Variants in FIRRM observed in about 807,000 individuals in gnomAD.
The protein encoded by FIRRM is FIGNL1 interacting regulator of recombination and mitosis.
At chr1:169,829,276 A>G in the FIRRM span, 1 of 1,580,474 alleles carries the variant, frequency 6.3e-7, no homozygotes, top group Non-Finnish European at 8.6e-7. Flanking sequence ...ATCTCTACTC[A>G]AAGCCGTTTT....
the FIRRM span, among the ~76,000 whole-genome samples, chr1:169,819,369 C>G: frequency 1.3e-5 from 2 of 152,266 alleles, no homozygotes; most frequent in East Asian, 3.9e-4. Flanking sequence ...TTGAGTATCC[C>G]CCTCGTGCCA....
the FIRRM span, chr1:169,826,973 A>G: frequency 1.2e-5 from 15 of 1,250,146 alleles, 1 homozygote; most frequent in South Asian, 2.5e-4. Context: ...CTACCAGAAC[A>G]TCAGTTTATA....
chr1:169,838,480 T>C, the FIRRM span, among the ~76,000 whole-genome samples: 34,982 of 152,044 alleles, frequency 0.23, 4,491 homozygotes, highest in Middle Eastern at 0.3. Flanking sequence ...TTAAATTTTT[T>C]CAACTTTTAT....
the FIRRM span, among the ~76,000 whole-genome samples, chr1:169,790,161 C>T: frequency 2.0e-5 from 3 of 151,882 alleles, no homozygotes; most frequent in African/African-American, 7.3e-5. Context: ...CTGTTTGATA[C>T]CCCCACATTT....
chr1:169,797,241 T>C, the FIRRM span, among the ~76,000 whole-genome samples: 1 of 152,202 alleles, frequency 6.6e-6, no homozygotes, highest in Non-Finnish European at 1.5e-5. Context: ...GTATTTTAGC[T>C]TCACTATTTT....
chr1:169,853,065 TAA>T, the FIRRM span: 7 of 1,414,006 alleles, frequency 5.0e-6, no homozygotes, highest in South Asian at 8.6e-5. Context: ...CTAACAGATA[TAA>T]AACAAATTTT....
the FIRRM span, chr1:169,842,443 A>C: frequency 3.1e-6 from 5 of 1,613,810 alleles, no homozygotes; most frequent in Admixed American, 3.3e-5. Flanking sequence ...CTTTGCTTGC[A>C]GTATGTAATT....
At chr1:169,831,073 G>A in the FIRRM span, among the ~76,000 whole-genome samples, 1 of 152,124 alleles carries the variant, frequency 6.6e-6, no homozygotes, top group Non-Finnish European at 1.5e-5. Flanking sequence ...TGATGGCCAA[G>A]AGGTTTCTCT....
the FIRRM span, chr1:169,799,024 G>C: frequency 1.7e-6 from 1 of 596,014 alleles, no homozygotes. Flanking sequence ...CACATACCTC[G>C]GTAGATGTGT....
At chr1:169,806,579 G>A in the FIRRM span, among the ~76,000 whole-genome samples, 4 of 152,202 alleles carry the variant, frequency 2.6e-5, no homozygotes, top group Admixed American at 2.6e-4. Flanking sequence ...CAGATTCTTA[G>A]GGGTGAGAGG....
At chr1:169,824,272 C>G in the FIRRM span, among the ~76,000 whole-genome samples, 2,862 of 152,270 alleles carry the variant, frequency 0.019, 76 homozygotes, top group South Asian at 0.074. Context: ...AACTGTGCCC[C>G]TAAGACTAGC....
chr1:169,799,737 A>G, the FIRRM span, among the ~76,000 whole-genome samples: 1 of 152,054 alleles, frequency 6.6e-6, no homozygotes, highest in Non-Finnish European at 1.5e-5. Context: ...TTTTTAGTAG[A>G]GATGGGGTTT....
the FIRRM span, chr1:169,827,085 TCTAAAGCACA>T: frequency 6.2e-7 from 1 of 1,613,642 alleles, no homozygotes; most frequent in Non-Finnish European, 8.5e-7. Flanking sequence ...TACCAGGATT[TCTAAAGCACA>T]CCAAGAGGAA....
the FIRRM span, among the ~76,000 whole-genome samples, chr1:169,844,692 T>C: frequency 2.0e-5 from 3 of 152,228 alleles, no homozygotes; most frequent in African/African-American, 4.8e-5. Flanking sequence ...AATTAACTCA[T>C]TGAATGCAAC....
the FIRRM span, chr1:169,852,860 C>T: frequency 2.5e-6 from 4 of 1,614,068 alleles, no homozygotes; most frequent in East Asian, 6.7e-5. Flanking sequence ...CATACAATAG[C>T]AGGGGCTTTG....
chr1:169,810,834 A>ATTTTTTTTTTT, the FIRRM span, among the ~76,000 whole-genome samples: 38 of 61,208 alleles, frequency 6.2e-4, 7 homozygotes, highest in East Asian at 6.5e-3. Context: ...TTAGCCCCCA[A>ATTTTTTTTTTT]TTTTTTTTTT....
the FIRRM span, among the ~76,000 whole-genome samples, chr1:169,799,798 C>T: frequency 6.6e-6 from 1 of 152,194 alleles, no homozygotes; most frequent in Admixed American, 6.5e-5. Context: ...AGTGATCCTC[C>T]TGCCTTGGCC....
At chr1:169,793,040 TTA>T in the FIRRM span, 1 of 1,614,160 alleles carries the variant, frequency 6.2e-7, no homozygotes, top group Non-Finnish European at 8.5e-7. Context: ...CACCATACTG[TTA>T]TAATCTTGAA....
At chr1:169,812,685 C>T in the FIRRM span, among the ~76,000 whole-genome samples, 5 of 152,008 alleles carry the variant, frequency 3.3e-5, no homozygotes, top group Middle Eastern at 3.4e-3. Flanking sequence ...GGTGAAACCC[C>T]GTCTCTACTA....
Sources: gnomAD v4.1 joint callset for allele counts (sites outside exome capture counted in the v4.1 genomes callset) on GRCh38, gnomAD v4.1.1 for gene constraint, MANE v1.5 for transcripts, NCBI Gene and HGNC (gene_info 2026-07-23, HGNC 2026-07-21) for gene names.